Variants in COG5 observed in about 807,000 individuals in gnomAD.
COG5 encodes component of oligomeric golgi complex 5.
Under a neutral mutation model 110.4 loss-of-function variants are expected in COG5, and 86 were observed. The observed-to-expected ratio is 0.78, with a 90% CI of 0.65 to 0.93. The LOEUF (loss-of-function observed/expected upper bound fraction) is 0.93, where lower values mean the gene tolerates loss of function less well. COG5 is among the 40% of genes least tolerant of loss of function. The pLI is 0.00. For synonymous variants in COG5, 360 were observed against 334.6 expected (o/e 1.08, Z -0.83); for missense variants, 1,077 against 987.0 (o/e 1.09, Z -1.22).
At chr7:107,403,483 G>A (rs763201239) in intron 7 of COG5, among the ~76,000 whole-genome samples, 13 of 151,340 alleles carry the variant, frequency 8.6e-5, no homozygotes, top group East Asian at 3.9e-4. Context: ...TGGTTTTGCC[G>A]CACCCATCAA....
chr7:107,242,714 A>AC (rs1390835798), intron 17 of COG5, among the ~76,000 whole-genome samples: 1 of 152,046 alleles, frequency 6.6e-6, no homozygotes, highest in Non-Finnish European at 1.5e-5. Context: ...CCTGCCTCTT[A>AC]CCCCACTGCT....
intron 6 of COG5, among the ~76,000 whole-genome samples, chr7:107,503,476 G>A (rs1321731522): frequency 2.6e-5 from 4 of 152,084 alleles, no homozygotes; most frequent in Non-Finnish European, 4.4e-5. Context: ...GATTGCTTTG[G>A]TTATTTGGGC....
chr7:107,563,484 G>C (rs1804110403), intron 1 of COG5: 1 of 437,036 alleles, frequency 2.3e-6, no homozygotes. Flanking sequence ...GCAGCAGCCG[G>C]TGGCTGCCAA....
chr7:107,204,835 G>GT (rs1798640722), intron 21 of COG5, among the ~76,000 whole-genome samples: 1 of 152,176 alleles, frequency 6.6e-6, no homozygotes, highest in Admixed American at 6.5e-5. Flanking sequence ...CCTCTGGACA[G>GT]TTTTATCTGA....
chr7:107,349,470 C>T (rs1206859972), intron 10 of COG5, among the ~76,000 whole-genome samples: 1 of 152,064 alleles, frequency 6.6e-6, no homozygotes, highest in Non-Finnish European at 1.5e-5. Context: ...GCGATCTCTG[C>T]TCACTGCAAC....
intron 11 of COG5, among the ~76,000 whole-genome samples, chr7:107,319,565 T>C (rs887228052): frequency 6.6e-6 from 1 of 152,244 alleles, no homozygotes; most frequent in Admixed American, 6.5e-5. Context: ...CACAGTTCTA[T>C]ATTGCCTGTT....
At chr7:107,254,164 A>C (rs1206921154) in intron 16 of COG5, among the ~76,000 whole-genome samples, 1 of 152,146 alleles carries the variant, frequency 6.6e-6, no homozygotes, top group Admixed American at 6.6e-5. Flanking sequence ...TTTGGATAAA[A>C]TCTCAAGGTA....
intron 6 of COG5, among the ~76,000 whole-genome samples, chr7:107,504,532 C>T (rs1798841920): frequency 6.6e-6 from 1 of 152,116 alleles, no homozygotes; most frequent in South Asian, 2.1e-4. Flanking sequence ...AGAGAGAATT[C>T]CCTCTTTCTC....
At chr7:107,478,745 AG>A in intron 6 of COG5, among the ~76,000 whole-genome samples, 1 of 152,030 alleles carries the variant, frequency 6.6e-6, no homozygotes. Flanking sequence ...CCTGAAGATA[AG>A]GGGGGAACAA....
intron 6 of COG5, among the ~76,000 whole-genome samples, chr7:107,422,441 C>T (rs913608822): frequency 6.6e-6 from 1 of 152,102 alleles, no homozygotes; most frequent in African/African-American, 2.4e-5. Context: ...GCAGCAGAAT[C>T]GCTTGAACCC....
chr7:107,477,058 T>C (rs1410395279), intron 6 of COG5, among the ~76,000 whole-genome samples: 2 of 151,682 alleles, frequency 1.3e-5, no homozygotes, highest in Non-Finnish European at 3.0e-5. Context: ...ATGCTTCAAT[T>C]TGACAAAATG....
At chr7:107,395,542 T>C (rs1028586834) in intron 7 of COG5, among the ~76,000 whole-genome samples, 2 of 33,216 alleles carry the variant, frequency 6.0e-5, no homozygotes, top group Non-Finnish European at 1.0e-4. Flanking sequence ...GAAGCAGATC[T>C]TTTTTTTTTT....
rs561249798 is a variant in COG5, at chr7:107,520,885, C to T, written c.538+6352G>A. 2.0e-5 allele frequency among the ~76,000 whole-genome samples: 3 copies of T among 152,276 alleles called. No individual in the cohort carries two copies. In the South Asian group the frequency reaches 6.2e-4, roughly 32 times the overall value. ...AAACTGGAGGCATCATGAGATCTGACTTCAAACTATACTACAAGGCTACAG... is the reference window on the plus strand; with the variant it reads ...AAACTGGAGGCATCATGAGATCTGATTTCAAACTATACTACAAGGCTACAG... On this transcript the variant is annotated intron_variant, in intron 6 of 21. Transcript: ENST00000297135.
intron 5 of COG5, among the ~76,000 whole-genome samples, chr7:107,536,298 G>A (rs996267979): frequency 7.2e-5 from 11 of 152,078 alleles, no homozygotes; most frequent in African/African-American, 2.7e-4. Context: ...AGAAATAAAG[G>A]GTATTCAAAT....
At chr7:107,511,014 A>C (rs2129143976) in intron 6 of COG5, among the ~76,000 whole-genome samples, 1 of 151,766 alleles carries the variant, frequency 6.6e-6, no homozygotes, top group Admixed American at 6.6e-5. Flanking sequence ...CACATTCAAA[A>C]GCTAGCAGAA....
At chr7:107,259,897 T>C (rs555427281) in intron 14 of COG5, among the ~76,000 whole-genome samples, 8 of 152,030 alleles carry the variant, frequency 5.3e-5, no homozygotes, top group African/African-American at 1.9e-4. Context: ...TCACACCCAA[T>C]AGGATGCTAT....
At chr7:107,435,210 A>C (rs566338938) in intron 6 of COG5, among the ~76,000 whole-genome samples, 1 of 152,284 alleles carries the variant, frequency 6.6e-6, no homozygotes, top group East Asian at 1.9e-4. Context: ...CAAGGGGAAA[A>C]AATTCTGGGA....
At chr7:107,218,193 A>G (rs1298157189) in intron 19 of COG5, among the ~76,000 whole-genome samples, 1 of 152,098 alleles carries the variant, frequency 6.6e-6, no homozygotes, top group Non-Finnish European at 1.5e-5. Context: ...ACATTGATGA[A>G]ATAAATTGAC....
At chr7:107,394,939 A>G (rs753965844) in intron 7 of COG5, among the ~76,000 whole-genome samples, 2 of 152,210 alleles carry the variant, frequency 1.3e-5, no homozygotes, top group Non-Finnish European at 2.9e-5. Context: ...AAAGAAGGGC[A>G]ACAAATTGAG....
Sources: gnomAD v4.1 joint callset for allele counts (sites outside exome capture counted in the v4.1 genomes callset) on GRCh38, gnomAD v4.1.1 for gene constraint, MANE v1.5 for transcripts, NCBI Gene and HGNC (gene_info 2026-07-23, HGNC 2026-07-21) for gene names.